The following CTNNA2 variants were observed in gnomAD, a reference collection of about 807,000 sequenced individuals.
CTNNA2 encodes catenin alpha 2, also known as catenin alpha-2.
Under a neutral mutation model 101.0 loss-of-function variants are expected in CTNNA2, and 42 were observed. That is an observed-to-expected ratio of 0.42 (90% CI 0.32 to 0.54). CTNNA2 has a LOEUF of 0.54. CTNNA2 is among the 20% of genes least tolerant of loss of function. The pLI is 0.14. For missense variants in CTNNA2, 871 were observed against 1,223.1 expected (o/e 0.71, Z 4.29); for synonymous variants, 450 against 456.4 (o/e 0.99, Z 0.18).
chr2:79,451,828 A>G (rs1408452549), intron 4 of CTNNA2, among the ~76,000 whole-genome samples: 3 of 151,546 alleles, frequency 2.0e-5, no homozygotes, highest in Non-Finnish European at 4.4e-5. Flanking sequence ...ATTATATTGT[A>G]TGCTAGATAT....
chr2:79,289,047 T>A (rs1675712191), intron 2 of CTNNA2, among the ~76,000 whole-genome samples: 1 of 152,196 alleles, frequency 6.6e-6, no homozygotes, highest in Admixed American at 6.5e-5. Flanking sequence ...TAATAGAATT[T>A]TAGGGTATGT....
At chr2:79,648,109 C>T (rs1044421134) in intron 1 of CTNNA2, among the ~76,000 whole-genome samples, 1 of 152,194 alleles carries the variant, frequency 6.6e-6, no homozygotes, top group African/African-American at 2.4e-5. Flanking sequence ...GAAAAATCCT[C>T]CAATCTACCT....
Position 79,694,644 on chromosome 2 carries a change from T to A in CTNNA2, c.102+42986T>A, listed in dbSNP as rs117433861. Among the ~76,000 whole-genome samples, 10 of 152,016 alleles carry A rather than the reference T, an allele frequency of 6.6e-5. No individual in the cohort carries two copies. The East Asian group carries it at 1.9e-3, about 29-fold the overall frequency. ...ATCATATCTAGTGATTCTGTTGACA[T>A]CGTAATAGGCTGCTTGAGTGTTAGA... On this transcript the variant is annotated intron_variant, in intron 2 of 18. Coordinates refer to ENST00000402739, the MANE Select transcript of CTNNA2 (RefSeq NM_001282597.3).
chr2:80,393,148 A>G, intron 7 of CTNNA2, 63 bp from the exon 8 acceptor site: 1 of 1,280,008 alleles, frequency 7.8e-7, no homozygotes, highest in Non-Finnish European at 1.1e-6. Context: ...TGATTTTTTT[A>G]AATTTTTAAT....
At chr2:80,426,540 C>G (rs565497440) in intron 9 of CTNNA2, among the ~76,000 whole-genome samples, 1 of 152,224 alleles carries the variant, frequency 6.6e-6, no homozygotes, top group South Asian at 2.1e-4. Context: ...ATCTGCCTGG[C>G]CCTCTACAGT....
intron 18 of CTNNA2, among the ~76,000 whole-genome samples, chr2:80,631,964 C>A (rs572258598): frequency 1.3e-5 from 2 of 151,774 alleles, no homozygotes; most frequent in Non-Finnish European, 2.9e-5. Flanking sequence ...TGTTTTGAAT[C>A]TGGAAAAAAA....
intron 1 of CTNNA2, among the ~76,000 whole-genome samples, chr2:79,528,969 T>A (rs1232150205): frequency 6.6e-6 from 1 of 152,110 alleles, no homozygotes; most frequent in Non-Finnish European, 1.5e-5. Flanking sequence ...AGAGGTATAT[T>A]GGAAGTTATA....
chr2:79,875,571 A>G (rs137857583), intron 6 of CTNNA2, among the ~76,000 whole-genome samples: 1 of 152,312 alleles, frequency 6.6e-6, no homozygotes, highest in East Asian at 1.9e-4. Flanking sequence ...CCAGGAGCAA[A>G]GCAATGATTG....
intron 7 of CTNNA2, among the ~76,000 whole-genome samples, chr2:80,295,053 C>T (rs1003986009): frequency 2.6e-5 from 4 of 151,502 alleles, no homozygotes; most frequent in Non-Finnish European, 4.4e-5. Context: ...TTGTTTTGTT[C>T]TCTCTTCTCC....
chr2:80,124,164 C>T (rs935758817), intron 7 of CTNNA2, among the ~76,000 whole-genome samples: 5 of 152,290 alleles, frequency 3.3e-5, no homozygotes, highest in Admixed American at 6.5e-5. Flanking sequence ...CGTCACTGAG[C>T]GAAGTCTTGG....
Position 79,305,286 on chromosome 2 carries a change from G to A in CTNNA2, c.-405-7423G>A, listed in dbSNP as rs535006101. ...AGTATATATGCATATATGTAGATAC[G>A]TGTGTGTGTATATATATACATATAT... On this transcript the variant is annotated intron_variant, in intron 2 of 21. Coordinates refer to the CTNNA2 transcript ENST00000466387. Among the ~76,000 whole-genome samples the A allele has an allele frequency of 4.0e-5, 6 of 148,762 alleles. No homozygotes were observed. The South Asian group carries it at 6.3e-4, about 16-fold the overall frequency.
At chr2:79,796,412 A>AAAG (rs10674784) in intron 3 of CTNNA2, among the ~76,000 whole-genome samples, 1 of 151,544 alleles carries the variant, frequency 6.6e-6, no homozygotes, top group Non-Finnish European at 1.5e-5. Context: ...AAAAAAAAAA[A>AAAG]GTGGCCTAAA....
At chr2:79,713,728 A>G (rs1685891050) in intron 2 of CTNNA2, among the ~76,000 whole-genome samples, 1 of 152,142 alleles carries the variant, frequency 6.6e-6, no homozygotes, top group African/African-American at 2.4e-5. Flanking sequence ...CTGTTCATTT[A>G]AATTTTTACC....
chr2:79,906,359 A>T (rs938132588), intron 6 of CTNNA2, among the ~76,000 whole-genome samples: 7 of 152,120 alleles, frequency 4.6e-5, no homozygotes, highest in African/African-American at 1.7e-4. Flanking sequence ...GCACATGTGC[A>T]TGCACACACT....
At chr2:79,450,731 T>A (rs1443479653) in intron 4 of CTNNA2, among the ~76,000 whole-genome samples, 4 of 152,118 alleles carry the variant, frequency 2.6e-5, no homozygotes, top group African/African-American at 9.7e-5. Context: ...GTTAAATTCC[T>A]ATGGCATATT....
chr2:80,436,861 C>A (rs1364570873), intron 9 of CTNNA2, among the ~76,000 whole-genome samples: 1 of 152,134 alleles, frequency 6.6e-6, no homozygotes, highest in African/African-American at 2.4e-5. Flanking sequence ...CTTAATACCT[C>A]CACTTTGAGG....
At chr2:80,292,516 A>G (rs2149182272) in intron 7 of CTNNA2, among the ~76,000 whole-genome samples, 1 of 152,230 alleles carries the variant, frequency 6.6e-6, no homozygotes, top group Admixed American at 6.5e-5. Context: ...TTAAATGAGA[A>G]AATCTTAAGG....
At chr2:79,187,541 A>C (rs569757167) in intron 1 of CTNNA2, among the ~76,000 whole-genome samples, 1 of 152,226 alleles carries the variant, frequency 6.6e-6, no homozygotes, top group South Asian at 2.1e-4. Context: ...TTGGTCACAC[A>C]TGGAGAAACT....
At chr2:80,003,223 G>A (rs1693086314) in intron 7 of CTNNA2, among the ~76,000 whole-genome samples, 1 of 152,004 alleles carries the variant, frequency 6.6e-6, no homozygotes, top group South Asian at 2.1e-4. Context: ...TCACTGATTG[G>A]GTTTTTAGGA....
Sources: gnomAD v4.1 joint callset for allele counts (sites outside exome capture counted in the v4.1 genomes callset) on GRCh38, gnomAD v4.1.1 for gene constraint, MANE v1.5 for transcripts, NCBI Gene and HGNC (gene_info 2026-07-23, HGNC 2026-07-21) for gene names.